Variants in ADGRL4 observed in about 807,000 individuals in gnomAD.
The protein encoded by ADGRL4 is adhesion G protein-coupled receptor L4, also known as EGF, latrophilin and seven transmembrane domain containing 1.
Under a neutral mutation model 74.8 loss-of-function variants are expected in ADGRL4, and 90 were observed. The ratio of observed to expected loss-of-function variants is 1.20; its 90% confidence interval spans 1.02 to 1.43. The LOEUF (loss-of-function observed/expected upper bound fraction) is 1.43, where lower values mean the gene tolerates loss of function less well. Ranked by LOEUF, ADGRL4 falls within the 40% of genes most tolerant of loss-of-function variation. ADGRL4 has a pLI of 0.00. For missense variants in ADGRL4, 881 were observed against 814.3 expected, an observed-to-expected ratio of 1.08 and a Z score of -1.00; for synonymous variants, 311 against 279.2, an observed-to-expected ratio of 1.11 and a Z score of -1.14.
intron 2 of ADGRL4, among the ~76,000 whole-genome samples, chr1:78,978,019 A>G (rs567577332): frequency 1.3e-5 from 2 of 152,002 alleles, no homozygotes; most frequent in East Asian, 1.9e-4. Context: ...AAGTTTTGCA[A>G]TTATATAAAT....
At chr1:78,948,668 T>C (rs1454879799) in intron 2 of ADGRL4, among the ~76,000 whole-genome samples, 1 of 152,164 alleles carries the variant, frequency 6.6e-6, no homozygotes, top group East Asian at 1.9e-4. Context: ...TGCAACTCTA[T>C]ATGGCTATAT....
rs757632941 is a variant in ADGRL4 at position 78,936,409 on chromosome 1, G to A, written c.763C>T (p.Leu255Phe). 3.8e-6 allele frequency: 6 copies of A among 1,564,700 alleles called. No individual in the cohort carries two copies. The South Asian group carries it at 4.8e-5, about 13-fold the overall frequency. The change falls in exon 7 of 15, where the codon CTC becomes TTC. Residue 255 changes from leucine to phenylalanine, a missense_variant and splice_region_variant. Coordinates refer to ENST00000370742, the MANE Select transcript of ADGRL4 (RefSeq NM_022159.4). ...EFDTNSTDIA[L>F]KVFFFDSYNM... Reference sequence around the variant, plus strand: ...TATGAATCAAAAAAGAAAACTTTGAGAGCTGAAACAAAACCATGAAAATAA... The same window carrying A: ...TATGAATCAAAAAAGAAAACTTTGAAAGCTGAAACAAAACCATGAAAATAA...
chr1:78,899,567 C>A (rs1648475244), intron 12 of ADGRL4, among the ~76,000 whole-genome samples: 1 of 152,098 alleles, frequency 6.6e-6, no homozygotes, highest in African/African-American at 2.4e-5. Flanking sequence ...ATTGCCCAAG[C>A]TGTTCTCAAA....
Position 78,890,253 on chromosome 1 carries a change from A to T in ADGRL4, c.*901T>A, listed in dbSNP as rs957030252. Reference sequence around the variant, plus strand: ...AAAATTAAAAATAATAAAGGATTCAAATATACTAATGAGATAGTATAACTT... The same window carrying T: ...AAAATTAAAAATAATAAAGGATTCATATATACTAATGAGATAGTATAACTT... On this transcript the variant is annotated 3_prime_UTR_variant, in exon 15 of 15. Coordinates refer to ENST00000370742, the MANE Select transcript of ADGRL4 (RefSeq NM_022159.4). 1.3e-5 allele frequency: 2 copies of T among 152,566 alleles called. No individual in the cohort carries two copies. Among genetic ancestry groups the T allele is most frequent in the Non-Finnish European group, 2.9e-5 (2 of 68,336 alleles). The allele number at this position is 152,566 out of a possible 1,614,324, so 9.5% of individuals were successfully genotyped here. A position where few individuals can be genotyped will look rare whatever the true frequency, so the allele number is the denominator to read the frequency against.
intron 12 of ADGRL4, among the ~76,000 whole-genome samples, chr1:78,898,698 C>G (rs544140232): frequency 6.6e-6 from 1 of 152,200 alleles, no homozygotes; most frequent in South Asian, 2.1e-4. Context: ...GAACACTTAA[C>G]TCTTGAGATA....
At chr1:78,986,797 C>T (rs574469911) in intron 2 of ADGRL4, among the ~76,000 whole-genome samples, 190 of 151,602 alleles carry the variant, frequency 1.3e-3, no homozygotes, top group Non-Finnish European at 2.2e-3. Context: ...TAGCTGGGGT[C>T]CTATTTGAAA....
chr1:78,902,707 A>G (rs549481161), intron 12 of ADGRL4, among the ~76,000 whole-genome samples: 11 of 152,358 alleles, frequency 7.2e-5, no homozygotes, highest in African/African-American at 2.6e-4. Context: ...TTAAAGGAGA[A>G]GAACAACATA....
intron 7 of ADGRL4, among the ~76,000 whole-genome samples, chr1:78,934,520 A>G (rs1390996085): frequency 6.6e-6 from 1 of 152,206 alleles, no homozygotes; most frequent in East Asian, 1.9e-4. Flanking sequence ...AAAACACCAA[A>G]AACAGTTGCT....
At chr1:79,004,642 A>G (rs1040155135) in intron 2 of ADGRL4, among the ~76,000 whole-genome samples, 47 of 152,224 alleles carry the variant, frequency 3.1e-4, no homozygotes, top group African/African-American at 1.1e-3. Flanking sequence ...TCATCTCCAA[A>G]TATAGGCGGT....
intron 2 of ADGRL4, among the ~76,000 whole-genome samples, chr1:78,951,341 A>C (rs1473840890): frequency 3.3e-5 from 5 of 152,204 alleles, no homozygotes; most frequent in Non-Finnish European, 7.3e-5. Flanking sequence ...AGAAAAATGA[A>C]AAAGGAAGCC....
At chr1:78,976,814 A>G (rs1203057741) in intron 2 of ADGRL4, among the ~76,000 whole-genome samples, 4 of 151,044 alleles carry the variant, frequency 2.6e-5, no homozygotes, top group Non-Finnish European at 4.4e-5. Flanking sequence ...AAAAACCTCC[A>G]GACCCAAATG....
intron 2 of ADGRL4, among the ~76,000 whole-genome samples, chr1:78,955,969 A>G (rs1649820794): frequency 6.6e-6 from 1 of 152,136 alleles, no homozygotes; most frequent in Admixed American, 6.6e-5. Flanking sequence ...TTACTATATA[A>G]TAACGATTGA....
At chr1:78,940,586 C>T (rs975069993) in intron 3 of ADGRL4, among the ~76,000 whole-genome samples, 1 of 152,054 alleles carries the variant, frequency 6.6e-6, no homozygotes, top group Non-Finnish European at 1.5e-5. Context: ...GAGTCTAGAT[C>T]ATTACCTTGA....
chr1:78,996,751 G>A (rs1650723496), intron 2 of ADGRL4, among the ~76,000 whole-genome samples: 1 of 151,976 alleles, frequency 6.6e-6, no homozygotes, highest in African/African-American at 2.4e-5. Flanking sequence ...CTACAATTTG[G>A]GATGATTATT....
At chr1:78,967,999 A>G (rs12089545) in intron 2 of ADGRL4, among the ~76,000 whole-genome samples, 9,019 of 152,210 alleles carry the variant, frequency 0.059, 284 homozygotes, top group South Asian at 0.099. Context: ...GAGTGTCCAG[A>G]AGAGAAAGGT....
intron 2 of ADGRL4, among the ~76,000 whole-genome samples, chr1:78,949,169 T>A (rs1649672061): frequency 6.6e-6 from 1 of 152,000 alleles, no homozygotes; most frequent in Non-Finnish European, 1.5e-5. Context: ...AAAGAACACA[T>A]GAGGTCTGAG....
At chr1:78,902,325 CTATT>C (rs1026121390) in intron 12 of ADGRL4, among the ~76,000 whole-genome samples, 1 of 152,142 alleles carries the variant, frequency 6.6e-6, no homozygotes, top group African/African-American at 2.4e-5. Flanking sequence ...TGTTCCAAGT[CTATT>C]TATTAATTTA....
chr1:78,976,722 CT>C (rs1269313769), intron 2 of ADGRL4, among the ~76,000 whole-genome samples: 1 of 151,148 alleles, frequency 6.6e-6, no homozygotes, highest in Non-Finnish European at 1.5e-5. Context: ...ACAATCAAAG[CT>C]TGTTCAGGAA....
At chr1:78,908,124 GT>G (rs1648684148) in intron 12 of ADGRL4, among the ~76,000 whole-genome samples, 3 of 151,972 alleles carry the variant, frequency 2.0e-5, no homozygotes, top group Non-Finnish European at 2.9e-5. Flanking sequence ...TTATAGAGAA[GT>G]TTAAATATCT....
Sources: allele counts gnomAD v4.1 joint callset (sites outside exome capture counted in the v4.1 genomes callset), GRCh38; gene constraint gnomAD v4.1.1; transcripts MANE v1.5; gene names NCBI Gene and HGNC (gene_info 2026-07-23, HGNC 2026-07-21).